MFSD6: variants seen among roughly 807,000 people sequenced by gnomAD.
The protein encoded by MFSD6 is major facilitator superfamily domain containing 6, also known as major facilitator superfamily domain-containing protein 6.
Under a neutral mutation model 56.3 loss-of-function variants are expected in MFSD6, and 26 were observed. The ratio of observed to expected loss-of-function variants is 0.46; its 90% confidence interval spans 0.34 to 0.64. The LOEUF (loss-of-function observed/expected upper bound fraction) is 0.64, where lower values mean the gene tolerates loss of function less well. Ranked by LOEUF, MFSD6 falls within the 30% of genes least tolerant of loss-of-function variation. MFSD6 has a pLI of 0.01. For synonymous variants in MFSD6, 331 were observed against 366.9 expected, an observed-to-expected ratio of 0.90 and a Z score of 1.12; for missense variants, 750 against 986.2, an observed-to-expected ratio of 0.76 and a Z score of 3.21.
chr2:190,475,056 G>A (rs1171268564), intron 4 of MFSD6, among the ~76,000 whole-genome samples: 1 of 152,022 alleles, frequency 6.6e-6, no homozygotes, highest in African/African-American at 2.4e-5. Context: ...GTATTGATGG[G>A]ACATATCTCA....
At chr2:190,484,203 T>C (rs1688876353) in intron 4 of MFSD6, among the ~76,000 whole-genome samples, 1 of 152,212 alleles carries the variant, frequency 6.6e-6, no homozygotes, top group African/African-American at 2.4e-5. Context: ...TCCTGTGCCC[T>C]TGTTACTGTT....
Position 190,489,886 on chromosome 2 carries a change from C to G in MFSD6, c.1891+20C>G. ...AAGAAGGTAATTATTTCCATTCTTT[C>G]TTAATATTCCTAACAGTTCAGGCCA... On this transcript the variant is annotated intron_variant, in intron 6 of 7. Transcript: ENST00000392328. This position sits in a 1 kb window ranked among gnomAD's most constrained non-coding sequence, Gnocchi z 6.6. 2 of 1,604,382 alleles carry G rather than the reference C, an allele frequency of 1.2e-6. No individual in the cohort carries two copies. The highest frequency in any genetic ancestry group is 1.7e-6 in the Non-Finnish European group (2 of 1,173,006).
In MFSD6 at chr2:190,491,927, G is replaced by C. The variant is rs1689384181; in HGVS notation, c.1891+2061G>C. Among the ~76,000 whole-genome samples the C allele has an allele frequency of 6.6e-6, 1 of 151,946 alleles. No homozygotes were observed. The highest frequency in any genetic ancestry group is 2.4e-5 in the African/African-American group (1 of 41,334). On this transcript the variant is annotated intron_variant, in intron 6 of 7. Coordinates refer to ENST00000392328, the MANE Select transcript of MFSD6 (RefSeq NM_017694.4). The surrounding 1 kb of genome is among the most constrained non-coding windows in gnomAD (Gnocchi z 4.2). ...CAAAAAAATGATACAAGAAGTGAGG[G>C]GAGAAATCTTCAATGAGATAGATAG... is the stretch of plus-strand genomic sequence containing the variant.
intron 4 of MFSD6, among the ~76,000 whole-genome samples, chr2:190,473,272 A>G (rs567704790): frequency 6.6e-6 from 1 of 152,364 alleles, no homozygotes; most frequent in East Asian, 1.9e-4. Flanking sequence ...AAATGCTCCA[A>G]TTAAAAGACA....
At chr2:190,444,722 G>C (rs1187554569) in intron 3 of MFSD6, 1 of 163,776 alleles carries the variant, frequency 6.1e-6, no homozygotes, top group Non-Finnish European at 1.3e-5. Flanking sequence ...ATTTCTACAG[G>C]GGTTAGAATT....
chr2:190,447,354 C>T lies in MFSD6; in HGVS notation c.1532+9793C>T, dbSNP rs1414444873. On this transcript the variant is annotated intron_variant, in intron 3 of 7. Transcript: ENST00000392328. This position sits in a 1 kb window ranked among gnomAD's most constrained non-coding sequence, Gnocchi z 4.5. ...AGGTTAGGTCAGTGTGAGTCCATCACCAGTGGATTTCATTTTTAATTTTGT... is the reference window on the plus strand; with the variant it reads ...AGGTTAGGTCAGTGTGAGTCCATCATCAGTGGATTTCATTTTTAATTTTGT... 6.6e-6 allele frequency among the ~76,000 whole-genome samples: 1 copy of T among 152,134 alleles called. No individual in the cohort carries two copies. Among genetic ancestry groups the T allele is most frequent in the Non-Finnish European group, 1.5e-5 (1 of 68,030 alleles).
chr2:190,436,623 A>C lies in MFSD6; in HGVS notation c.594A>C (p.Lys198Asn). Residue 198 changes from lysine (K) to asparagine (N), a missense_variant, in exon 3 of 8, where the codon AAA (lysine) becomes AAC (asparagine). Coordinates refer to ENST00000392328, the MANE Select transcript of MFSD6 (RefSeq NM_017694.4). This position sits in a 1 kb window ranked among gnomAD's most constrained non-coding sequence, Gnocchi z 5.3. ...CCATATCACCAAAAATGCGTGAGAA[A>C]AGAAACCTTTTGGAAACAAGGCTCA... ...FLTISPKMRE[K>N]RNLLETRLNV... The C allele has an allele frequency of 2.5e-6, 4 of 1,614,230 alleles. No homozygotes were observed. Among genetic ancestry groups the C allele is most frequent in the Non-Finnish European group, 2.5e-6 (3 of 1,180,036 alleles).
intron 3 of MFSD6, among the ~76,000 whole-genome samples, chr2:190,464,511 T>C (rs1687495843): frequency 6.6e-6 from 1 of 152,232 alleles, no homozygotes; most frequent in Non-Finnish European, 1.5e-5. Context: ...TCAAAAATCC[T>C]TAGACTGTAA....
intron 3 of MFSD6, among the ~76,000 whole-genome samples, chr2:190,468,438 T>C (rs1425323811): frequency 6.6e-6 from 1 of 150,776 alleles, no homozygotes; most frequent in Admixed American, 6.6e-5. Flanking sequence ...AAGGGAACAG[T>C]GTTTATAGGA....
chr2:190,472,979 C>G (rs1469968064), intron 4 of MFSD6, among the ~76,000 whole-genome samples: 1 of 152,128 alleles, frequency 6.6e-6, no homozygotes, highest in Non-Finnish European at 1.5e-5. Context: ...TCATATCCAG[C>G]CAAACTAAGC....
chr2:190,500,234 C>A lies in MFSD6; in HGVS notation c.*16C>A, dbSNP rs781165134. On this transcript the variant is annotated 3_prime_UTR_variant, in exon 8 of 8. Coordinates refer to ENST00000392328, the MANE Select transcript of MFSD6 (RefSeq NM_017694.4). The surrounding 1 kb of genome is among the most constrained non-coding windows in gnomAD (Gnocchi z 5.3). ...AGGACACTGAGGGCATCCTGCTCATCTCACACCCTGCATGGAATCAGGCTC... is the reference window on the plus strand; with the variant it reads ...AGGACACTGAGGGCATCCTGCTCATATCACACCCTGCATGGAATCAGGCTC... 2.5e-6 allele frequency: 4 copies of A among 1,613,744 alleles called. No homozygotes were observed. In the Admixed American group the frequency reaches 6.7e-5, roughly 27 times the overall value.
chr2:190,450,244 T>G (rs1358723026), intron 3 of MFSD6, among the ~76,000 whole-genome samples: 1 of 152,088 alleles, frequency 6.6e-6, no homozygotes, highest in Non-Finnish European at 1.5e-5. Flanking sequence ...CATGGAAATA[T>G]CTGGCAGACT....
rs1690521133 is a variant in MFSD6, at chr2:190,410,674, A to G, written c.-176+2171A>G. ...TTTGACAGCAAATCTTAATTTGGCA[A>G]TCTCATTATAGGGAAAGGAAGAAAT... On this transcript the variant is annotated intron_variant, in intron 1 of 7. Transcript: ENST00000392328. The surrounding 1 kb of genome is among the most constrained non-coding windows in gnomAD (Gnocchi z 4.4). 6.6e-6 allele frequency among the ~76,000 whole-genome samples: 1 copy of G among 152,146 alleles called. No individual in the cohort carries two copies. Among genetic ancestry groups the G allele is most frequent in the Non-Finnish European group, 1.5e-5 (1 of 68,034 alleles).
Position 190,436,831 on chromosome 2 carries a change from A to G in MFSD6, c.802A>G (p.Lys268Glu), listed in dbSNP as rs1366946429. Residue 268 changes from lysine to glutamate, a missense_variant, in exon 3 of 8, where the codon AAA (lysine) becomes GAA (glutamate). By Grantham distance (56) the Lys-to-Glu change is moderately conservative. Around this residue, in one of 5 missense-constraint regions of MFSD6, gnomAD observed 376 missense variants for 437.9 expected, o/e 0.86. Coordinates refer to ENST00000392328, the MANE Select transcript of MFSD6 (RefSeq NM_017694.4). This position sits in a 1 kb window ranked among gnomAD's most constrained non-coding sequence, Gnocchi z 5.3. Reference sequence around the variant, plus strand: ...AACCACTGTTATTGTTACCACCACCAAATCTTTACCTTCTGACCAAGTCAT... The same window carrying G: ...AACCACTGTTATTGTTACCACCACCGAATCTTTACCTTCTGACCAAGTCAT... ...ETTTVIVTTT[K>E]SLPSDQVMLV... is the part of the protein sequence containing the mutation. 6.2e-7 allele frequency: 1 copy of G among 1,614,088 alleles called. No individual in the cohort carries two copies. Among genetic ancestry groups the G allele is most frequent in the Non-Finnish European group, 8.5e-7 (1 of 1,180,030 alleles).
At chr2:190,411,207 T>A (rs1690551769) in intron 1 of MFSD6, 5 of 839,864 alleles carry the variant, frequency 6.0e-6, no homozygotes, top group Non-Finnish European at 7.1e-6. Flanking sequence ...GTCACCAGGC[T>A]GGAGTGCAGT....
chr2:190,448,511 A>C (rs1015593880), intron 3 of MFSD6, among the ~76,000 whole-genome samples: 1 of 152,246 alleles, frequency 6.6e-6, no homozygotes, highest in Non-Finnish European at 1.5e-5. Flanking sequence ...CAATATGCCA[A>C]CATGGAAAGC....
chr2:190,465,040 T>C lies in MFSD6; in HGVS notation c.1533-4718T>C, dbSNP rs1687527818. Reference sequence around the variant, plus strand: ...CATTGTATCTATATCTTGAACACTCTTGAAAAAAATACCAGTTTTATTATA... The same window carrying C: ...CATTGTATCTATATCTTGAACACTCCTGAAAAAAATACCAGTTTTATTATA... On this transcript the variant is annotated intron_variant, in intron 3 of 7. Coordinates refer to ENST00000392328, the MANE Select transcript of MFSD6 (RefSeq NM_017694.4). The surrounding 1 kb of genome is among the most constrained non-coding windows in gnomAD (Gnocchi z 4.6). 1.4e-5 allele frequency: 6 copies of C among 441,412 alleles called. No homozygotes were observed. In the South Asian group the frequency reaches 3.7e-4, roughly 27 times the overall value. 27.3% of individuals were successfully genotyped at this position (441,412 alleles called of 1,614,324 possible). A position where few individuals can be genotyped will look rare whatever the true frequency, so the allele number is the denominator to read the frequency against.
chr2:190,450,963 T>G (rs929962441), intron 3 of MFSD6, among the ~76,000 whole-genome samples: 2 of 152,232 alleles, frequency 1.3e-5, no homozygotes, highest in African/African-American at 4.8e-5. Flanking sequence ...GATGCAGTGT[T>G]GGCCAGTGGT....
intron 4 of MFSD6, among the ~76,000 whole-genome samples, chr2:190,475,290 T>C (rs1688229420): frequency 6.6e-6 from 1 of 152,202 alleles, no homozygotes; most frequent in Non-Finnish European, 1.5e-5. Context: ...TGTTTGCAGA[T>C]GACATGATTG....
Sources: gnomAD v4.1 joint callset for allele counts (sites outside exome capture counted in the v4.1 genomes callset) on GRCh38, gnomAD v4.1.1 for gene constraint, gnomAD v4.1.1 regional missense constraint, Gnocchi (gnomAD v3.1) non-coding constraint, MANE v1.5 for transcripts, NCBI Gene and HGNC (gene_info 2026-07-23, HGNC 2026-07-21) for gene names.